Variants in DLG2 observed in about 807,000 individuals in gnomAD.
The protein encoded by DLG2 is discs large MAGUK scaffold protein 2.
A neutral mutation model predicts 132.5 loss-of-function variants in DLG2; 45 were observed. That is an observed-to-expected ratio of 0.34 (90% CI 0.27 to 0.44). The LOEUF (loss-of-function observed/expected upper bound fraction) is 0.44. Ranked by LOEUF, DLG2 falls within the 20% of genes least tolerant of loss-of-function variation. The probability of loss-of-function intolerance (pLI) is 1.00; values close to 1 mark genes in which losing one functional copy is unlikely to be tolerated. For missense variants in DLG2, 1,045 were observed against 1,196.9 expected (o/e 0.87, Z 1.87); for synonymous variants, 424 against 419.6 (o/e 1.01, Z -0.13).
intron 7 of DLG2, among the ~76,000 whole-genome samples, chr11:84,514,977 A>G (rs1357390797): frequency 6.6e-6 from 1 of 151,990 alleles, no homozygotes; most frequent in Non-Finnish European, 1.5e-5. Context: ...AAAAAAATTA[A>G]TTAAAGATCT....
chr11:83,731,747 C>A (rs2091050858), intron 18 of DLG2, among the ~76,000 whole-genome samples: 3 of 152,180 alleles, frequency 2.0e-5, no homozygotes, highest in Non-Finnish European at 4.4e-5. Flanking sequence ...AATTGACATT[C>A]CCACCAACAG....
At chr11:85,205,408 G>T (rs2152560486) in intron 4 of DLG2, among the ~76,000 whole-genome samples, 2 of 152,062 alleles carry the variant, frequency 1.3e-5, no homozygotes, top group East Asian at 3.9e-4. Flanking sequence ...GGAGGTTGAA[G>T]AGAAGCTGGT....
chr11:84,014,091 A>C (rs1490373018), intron 11 of DLG2, among the ~76,000 whole-genome samples: 3 of 152,114 alleles, frequency 2.0e-5, no homozygotes, highest in African/African-American at 7.2e-5. Flanking sequence ...ATCAAGATTC[A>C]TCTGAGTTTT....
At chr11:84,465,786 T>C (rs1410342342) in intron 7 of DLG2, among the ~76,000 whole-genome samples, 1 of 151,274 alleles carries the variant, frequency 6.6e-6, no homozygotes, top group Admixed American at 6.6e-5. Flanking sequence ...GATAGACTTA[T>C]TTGACTGAGA....
At chr11:85,063,178 C>G (rs558207118) in intron 6 of DLG2, among the ~76,000 whole-genome samples, 1 of 151,864 alleles carries the variant, frequency 6.6e-6, no homozygotes, top group South Asian at 2.1e-4. Context: ...TTGGAAGTTG[C>G]CTTGACCAAA....
At chr11:84,652,638 A>G (rs1340507332) in intron 6 of DLG2, among the ~76,000 whole-genome samples, 1 of 152,218 alleles carries the variant, frequency 6.6e-6, no homozygotes, top group Non-Finnish European at 1.5e-5. Flanking sequence ...AGCATATAAA[A>G]ATAGACATGC....
chr11:85,537,424 C>G (rs771276039), intron 3 of DLG2, among the ~76,000 whole-genome samples: 9 of 152,234 alleles, frequency 5.9e-5, no homozygotes, highest in Admixed American at 3.3e-4. Context: ...AGCTGTAACA[C>G]TCACCATGAA....
chr11:85,142,704 T>A (rs1207535261), intron 5 of DLG2, among the ~76,000 whole-genome samples: 1 of 151,820 alleles, frequency 6.6e-6, no homozygotes, highest in South Asian at 2.1e-4. Flanking sequence ...GAGTCTAGCA[T>A]ACATAGCTTT....
At chr11:84,905,148 G>C (rs546316189) in intron 6 of DLG2, among the ~76,000 whole-genome samples, 107 of 152,288 alleles carry the variant, frequency 7.0e-4, no homozygotes, top group African/African-American at 2.5e-3. Context: ...GCCTCCCAAA[G>C]TGCTGGGATT....
rs139951594 is a variant in DLG2, at chr11:84,149,310, G to C, written c.624+14151C>G. 1.0e-3 allele frequency among the ~76,000 whole-genome samples: 156 copies of C among 152,126 alleles called. 3 individuals carry two copies. In the East Asian group the frequency reaches 0.027, roughly 27 times the overall value. Reference sequence around the variant, plus strand: ...CTTTGCCAATGCCAATGTTGAGAAGGGTATTTCTTGGGCTTTCTTTTAGGA... The same window carrying C: ...CTTTGCCAATGCCAATGTTGAGAAGCGTATTTCTTGGGCTTTCTTTTAGGA... On this transcript the variant is annotated intron_variant, in intron 9 of 27. Coordinates refer to ENST00000376104, the MANE Select transcript of DLG2 (RefSeq NM_001142699.3).
chr11:85,464,405 G>A (rs1436768129), intron 3 of DLG2, among the ~76,000 whole-genome samples: 3 of 152,098 alleles, frequency 2.0e-5, no homozygotes, highest in African/African-American at 4.8e-5. Flanking sequence ...GTGGGCATGG[G>A]GCAAGGGAAG....
intron 7 of DLG2, among the ~76,000 whole-genome samples, chr11:84,431,967 T>C (rs939384191): frequency 6.6e-6 from 1 of 152,172 alleles, no homozygotes; most frequent in African/African-American, 2.4e-5. Context: ...TTAAATATCA[T>C]ACGAAAGACA....
chr11:84,980,968 A>G (rs1343997634), intron 6 of DLG2, among the ~76,000 whole-genome samples: 3 of 152,104 alleles, frequency 2.0e-5, no homozygotes, highest in Non-Finnish European at 4.4e-5. Flanking sequence ...GTGCTCTCAT[A>G]GACTCTGGGC....
intron 3 of DLG2, among the ~76,000 whole-genome samples, chr11:85,420,853 G>C (rs567907455): frequency 9.2e-5 from 14 of 152,228 alleles, no homozygotes; most frequent in Non-Finnish European, 1.8e-4. Flanking sequence ...TCAAGCCAGT[G>C]GATCTTAGCT....
intron 6 of DLG2, among the ~76,000 whole-genome samples, chr11:84,557,234 T>G (rs1300148643): frequency 6.6e-6 from 1 of 152,148 alleles, no homozygotes; most frequent in Non-Finnish European, 1.5e-5. Context: ...ATATTCTGGG[T>G]GGGCCTCATC....
At chr11:83,582,658 T>A (rs1438107979) in intron 19 of DLG2, among the ~76,000 whole-genome samples, 2 of 152,232 alleles carry the variant, frequency 1.3e-5, no homozygotes, top group African/African-American at 4.8e-5. Context: ...TATATAAGTC[T>A]GCTATAGGCC....
chr11:84,959,443 G>A (rs904120280), intron 6 of DLG2, among the ~76,000 whole-genome samples: 3 of 152,144 alleles, frequency 2.0e-5, no homozygotes, highest in African/African-American at 4.8e-5. Flanking sequence ...TGCATCTACA[G>A]TACTTGGCAA....
At chr11:84,937,025 G>A (rs564148131) in intron 6 of DLG2, among the ~76,000 whole-genome samples, 3 of 152,148 alleles carry the variant, frequency 2.0e-5, no homozygotes, top group East Asian at 1.9e-4. Flanking sequence ...GGTGGCAGAT[G>A]CCTGTAATCC....
At chr11:83,722,068 AAT>A (rs1271270858) in intron 18 of DLG2, among the ~76,000 whole-genome samples, 1 of 152,192 alleles carries the variant, frequency 6.6e-6, no homozygotes, top group Non-Finnish European at 1.5e-5. Context: ...TTTCCAAAGA[AAT>A]ATAATAATTT....
Sources: gnomAD v4.1 joint callset for allele counts (sites outside exome capture counted in the v4.1 genomes callset) on GRCh38, gnomAD v4.1.1 for gene constraint, MANE v1.5 for transcripts, NCBI Gene and HGNC (gene_info 2026-07-23, HGNC 2026-07-21) for gene names.